CDH13: variants seen among roughly 807,000 people sequenced by gnomAD.
CDH13 encodes the protein cadherin 13.
In CDH13, 24 loss-of-function variants were observed where a neutral mutation model predicts 63.8. That is an observed-to-expected ratio of 0.38 (90% CI 0.27 to 0.53). The LOEUF is 0.53. Among genes scored for constraint, CDH13 ranks in the 20% least tolerant of loss-of-function variants. The probability of loss-of-function intolerance (pLI) is 0.85; values close to 1 mark genes in which losing one functional copy is unlikely to be tolerated. For synonymous variants in CDH13, 503 were observed against 355.3 expected (o/e 1.42, Z -4.67); for missense variants, 1,049 against 903.1 (o/e 1.16, Z -2.07).
chr16:83,508,721 A>T (rs1040571652), intron 7 of CDH13, among the ~76,000 whole-genome samples: 21 of 152,142 alleles, frequency 1.4e-4, no homozygotes, highest in Non-Finnish European at 1.5e-5. Flanking sequence ...TCTTTTACAT[A>T]TTCTGTCTCA....
chr16:83,053,205 G>C (rs2030567229), intron 3 of CDH13, among the ~76,000 whole-genome samples: 1 of 152,118 alleles, frequency 6.6e-6, no homozygotes, highest in African/African-American at 2.4e-5. Context: ...TCTTTATATG[G>C]TATTCATTGT....
intron 4 of CDH13, among the ~76,000 whole-genome samples, chr16:83,178,147 G>T (rs767778129): frequency 3.3e-5 from 5 of 152,186 alleles, no homozygotes; most frequent in South Asian, 2.1e-4. Context: ...AAGTGAAAAA[G>T]GTTGATCCAG....
At chr16:83,478,997 A>G (rs1157353948) in intron 6 of CDH13, among the ~76,000 whole-genome samples, 2 of 152,208 alleles carry the variant, frequency 1.3e-5, no homozygotes. Flanking sequence ...CCAGGAACAC[A>G]TGCCCTGCCA....
intron 6 of CDH13, among the ~76,000 whole-genome samples, chr16:83,394,402 G>C (rs1440603241): frequency 6.6e-6 from 1 of 152,168 alleles, no homozygotes; most frequent in Non-Finnish European, 1.5e-5. Context: ...TGGATAACTG[G>C]AGGTACAGCA....
At chr16:82,671,433 G>A (rs1016961802) in intron 1 of CDH13, among the ~76,000 whole-genome samples, 2 of 152,194 alleles carry the variant, frequency 1.3e-5, no homozygotes, top group Admixed American at 1.3e-4. Context: ...AATTCCTTAA[G>A]CAAAATCACA....
chr16:83,458,192 G>C (rs1471241085), intron 6 of CDH13, among the ~76,000 whole-genome samples: 3 of 152,166 alleles, frequency 2.0e-5, no homozygotes, highest in African/African-American at 7.2e-5. Context: ...AGGATCCCAG[G>C]CTGGCTCCAA....
At chr16:82,840,094 C>T (rs541934948) in intron 1 of CDH13, among the ~76,000 whole-genome samples, 9 of 152,160 alleles carry the variant, frequency 5.9e-5, no homozygotes, top group Admixed American at 5.2e-4. Flanking sequence ...CAAAGGTTTG[C>T]TTGATGAGGA....
intron 7 of CDH13, among the ~76,000 whole-genome samples, chr16:83,499,042 A>G (rs967844280): frequency 5.3e-5 from 8 of 152,208 alleles, no homozygotes; most frequent in African/African-American, 1.9e-4. Flanking sequence ...TTTGATGCAG[A>G]AGTTTCTTGT....
chr16:83,287,611 C>G (rs2089351681), intron 5 of CDH13, among the ~76,000 whole-genome samples: 1 of 152,180 alleles, frequency 6.6e-6, no homozygotes, highest in Non-Finnish European at 1.5e-5. Context: ...GGATGGGTCC[C>G]TCTAGTTGCA....
chr16:83,522,233 G>T (rs953980051), intron 7 of CDH13, among the ~76,000 whole-genome samples: 3 of 152,188 alleles, frequency 2.0e-5, no homozygotes, highest in Admixed American at 1.3e-4. Context: ...TTATGGAAAG[G>T]CCATAACAGC....
intron 10 of CDH13, among the ~76,000 whole-genome samples, chr16:83,708,113 C>G (rs950498078): frequency 6.6e-6 from 1 of 152,134 alleles, no homozygotes; most frequent in Non-Finnish European, 1.5e-5. Context: ...AGCCAGAGTG[C>G]CTTATCAAGT....
At chr16:82,991,672 T>G (rs1384121125) in intron 2 of CDH13, among the ~76,000 whole-genome samples, 2 of 152,164 alleles carry the variant, frequency 1.3e-5, no homozygotes, top group African/African-American at 2.4e-5. Flanking sequence ...CATGGTAATC[T>G]CAAGCAACCG....
chr16:83,361,604 G>A (rs1314989875), intron 6 of CDH13, among the ~76,000 whole-genome samples: 1 of 152,112 alleles, frequency 6.6e-6, no homozygotes, highest in Non-Finnish European at 1.5e-5. Flanking sequence ...GTTAATTTTT[G>A]TATATGATGA....
chr16:83,292,939 A>G (rs538529246), intron 5 of CDH13, among the ~76,000 whole-genome samples: 1 of 152,170 alleles, frequency 6.6e-6, no homozygotes, highest in Admixed American at 6.5e-5. Flanking sequence ...AATTATATCA[A>G]ATACTCGATT....
intron 1 of CDH13, chr16:82,639,423 A>G (rs1427187820): frequency 2.0e-6 from 3 of 1,535,598 alleles, no homozygotes; most frequent in Middle Eastern, 1.7e-4. Flanking sequence ...AGAATGGCCC[A>G]CAGATGCCTG....
At chr16:83,231,255 G>A (rs955098401) in intron 5 of CDH13, among the ~76,000 whole-genome samples, 8 of 152,162 alleles carry the variant, frequency 5.3e-5, no homozygotes, top group Admixed American at 6.5e-5. Context: ...ATGGCATGCC[G>A]GTACCCTGGG....
intron 4 of CDH13, among the ~76,000 whole-genome samples, chr16:83,182,225 A>G (rs2038370092): frequency 6.6e-6 from 1 of 152,186 alleles, no homozygotes; most frequent in East Asian, 1.9e-4. Context: ...TTACATCACC[A>G]TATTGTCTCT....
At chr16:82,733,372 T>TAA (rs140679613) in intron 1 of CDH13, among the ~76,000 whole-genome samples, 7 of 151,728 alleles carry the variant, frequency 4.6e-5, no homozygotes, top group Non-Finnish European at 8.8e-5. Context: ...TTTTGCTATG[T>TAA]AAAAAAAAAT....
chr16:83,032,313 T>C, intron 3 of CDH13, 95 bp downstream of exon 3: 2 of 899,178 alleles, frequency 2.2e-6, no homozygotes, highest in Non-Finnish European at 3.4e-6. Flanking sequence ...TTATGTTGGC[T>C]AAGATTCCTT....
Sources: gnomAD v4.1 joint callset for allele counts (sites outside exome capture counted in the v4.1 genomes callset) on GRCh38, gnomAD v4.1.1 for gene constraint, MANE v1.5 for transcripts, NCBI Gene and HGNC (gene_info 2026-07-23, HGNC 2026-07-21) for gene names.